Variants in TUBGCP3 observed in about 807,000 individuals in gnomAD.
TUBGCP3 encodes the protein gamma-tubulin complex component 3.
Under a neutral mutation model 123.1 loss-of-function variants are expected in TUBGCP3, and 50 were observed. The observed-to-expected ratio is 0.41, with a 90% CI of 0.32 to 0.51. The LOEUF (loss-of-function observed/expected upper bound fraction) is 0.51. Ranked by LOEUF, TUBGCP3 falls within the 20% of genes least tolerant of loss-of-function variation. The probability of loss-of-function intolerance (pLI) is 0.36; values close to 1 mark genes in which losing one functional copy is unlikely to be tolerated. For synonymous variants in TUBGCP3, 405 were observed against 413.9 expected (o/e 0.98, Z 0.26); for missense variants, 882 against 1,127.0 (o/e 0.78, Z 3.11).
chr13:112,550,248 T>G (rs9550142), intron 8 of TUBGCP3, among the ~76,000 whole-genome samples: 3 of 150,698 alleles, frequency 2.0e-5, no homozygotes, highest in Admixed American at 1.3e-4. Flanking sequence ...CATCAAAAAA[T>G]TTTTTTTAAT....
intron 11 of TUBGCP3, among the ~76,000 whole-genome samples, chr13:112,533,923 G>A (rs9550124): frequency 0.4 from 60,170 of 151,080 alleles, 15,388 homozygotes; most frequent in African/African-American, 0.73. Flanking sequence ...CCCGAGCAGT[G>A]TACACTGCAC....
At chr13:112,578,552 C>A (rs1882028011) in intron 1 of TUBGCP3, among the ~76,000 whole-genome samples, 1 of 97,062 alleles carries the variant, frequency 1.0e-5, no homozygotes, top group Non-Finnish European at 1.9e-5. Context: ...GAGTGAGACT[C>A]CGTCTCAAAA....
intron 11 of TUBGCP3, among the ~76,000 whole-genome samples, chr13:112,536,989 T>C (rs1246351122): frequency 4.6e-5 from 7 of 152,068 alleles, no homozygotes; most frequent in African/African-American, 1.4e-4. Context: ...TTGCCCAGAC[T>C]GGTCTCAAAC....
chr13:112,539,544 A>G (rs1320231604), intron 11 of TUBGCP3, among the ~76,000 whole-genome samples: 1 of 152,274 alleles, frequency 6.6e-6, no homozygotes, highest in Non-Finnish European at 1.5e-5. Context: ...TTAGTGAAGC[A>G]AACAAGAGTA....
intron 1 of TUBGCP3, among the ~76,000 whole-genome samples, chr13:112,585,048 C>T (rs1882513169): frequency 6.6e-6 from 1 of 152,172 alleles, no homozygotes; most frequent in African/African-American, 2.4e-5. Flanking sequence ...TTGAAGTCAA[C>T]TGTATAATTT....
chr13:112,487,292 C>T (rs959070696), intron 21 of TUBGCP3, among the ~76,000 whole-genome samples: 2 of 152,042 alleles, frequency 1.3e-5, no homozygotes, highest in African/African-American at 4.8e-5. Flanking sequence ...CAGTCAATGG[C>T]GATAACAGCC....
At chr13:112,598,678 C>A in the TUBGCP3 span, among the ~76,000 whole-genome samples, 4 of 152,162 alleles carry the variant, frequency 2.6e-5, no homozygotes, top group Admixed American at 6.5e-5. Context: ...GGTACGGTGG[C>A]TCATGCCTGT....
chr13:112,592,920 GGCA>G (rs1882907053), upstream of TUBGCP3, among the ~76,000 whole-genome samples: 1 of 152,216 alleles, frequency 6.6e-6, no homozygotes, highest in South Asian at 2.1e-4. The surrounding 1 kb of genome is among the most constrained non-coding windows in gnomAD (Gnocchi z 4.1). Flanking sequence ...CAACTTTCCA[GGCA>G]GCATGTTGCA....
At chr13:112,593,289 G>C in the TUBGCP3 span, among the ~76,000 whole-genome samples, 2 of 152,072 alleles carry the variant, frequency 1.3e-5, no homozygotes, top group Non-Finnish European at 2.9e-5. Flanking sequence ...GTAGTTGTAC[G>C]CACCTGTAAT....
chr13:112,548,266 G>A (rs1434243225), intron 8 of TUBGCP3, 90 bp from the exon 9 acceptor site: 6 of 934,222 alleles, frequency 6.4e-6, no homozygotes, highest in Admixed American at 4.7e-5. Context: ...TTTAGATAAA[G>A]TTCAGGTGGG....
chr13:112,578,141 C>T (rs574187799), intron 1 of TUBGCP3, among the ~76,000 whole-genome samples: 1 of 152,318 alleles, frequency 6.6e-6, no homozygotes, highest in African/African-American at 2.4e-5. Context: ...ACCATAATCT[C>T]AGCCCAGGGC....
At chr13:112,515,461 G>A (rs1004563432) in intron 17 of TUBGCP3, among the ~76,000 whole-genome samples, 2 of 152,150 alleles carry the variant, frequency 1.3e-5, no homozygotes, top group Admixed American at 6.5e-5. Flanking sequence ...AAGGGAATCC[G>A]CAACAGTGGC....
At position 112,494,723 on chromosome 13, in the gene TUBGCP3, C is replaced by A. The variant is rs1411749984; in HGVS notation, c.2448+4322G>T. ...GGTTCCCTTTTCTTCACATCCTCGC[C>A]AGCATTTGTTCTTGCCTGACTTTTG... On this transcript the variant is annotated intron_variant, in intron 20 of 21. Transcript: ENST00000261965. Among the ~76,000 whole-genome samples, 9 of 152,232 alleles carry A rather than the reference C, an allele frequency of 5.9e-5. No homozygotes were observed. In the East Asian group the frequency reaches 1.5e-3, roughly 26 times the overall value.
At chr13:112,542,606 A>G (rs1360510104) in intron 11 of TUBGCP3, among the ~76,000 whole-genome samples, 1 of 152,152 alleles carries the variant, frequency 6.6e-6, no homozygotes, top group Non-Finnish European at 1.5e-5. Context: ...TACCAAATAT[A>G]CCTCTATAGA....
At position 112,490,282 on chromosome 13, in the gene TUBGCP3, T is replaced by G. The variant is rs140335154; in HGVS notation, c.2449-585A>C. On this transcript the variant is annotated intron_variant, in intron 20 of 21. Transcript: ENST00000261965. Reference sequence around the variant, plus strand: ...TTGTTTGTTTGTTTGTTTTTTGAGATGGAGTTTCGCTCTCCCATGCTGGAG... The same window carrying G: ...TTGTTTGTTTGTTTGTTTTTTGAGAGGGAGTTTCGCTCTCCCATGCTGGAG... Among the ~76,000 whole-genome samples, 16 of 152,346 alleles carry G rather than the reference T, an allele frequency of 1.1e-4. No individual in the cohort carries two copies. In the East Asian group the frequency reaches 3.1e-3, roughly 29 times the overall value.
intron 11 of TUBGCP3, among the ~76,000 whole-genome samples, chr13:112,542,746 G>C (rs1194707673): frequency 1.3e-5 from 2 of 152,166 alleles, no homozygotes. Context: ...GTACACAATA[G>C]GGGTACTGAT....
chr13:112,600,231 T>C, the TUBGCP3 span, among the ~76,000 whole-genome samples: 5 of 152,188 alleles, frequency 3.3e-5, no homozygotes, highest in Admixed American at 3.3e-4. Context: ...TTAACATTCT[T>C]TTATATTCTA....
At chr13:112,543,263 A>G (rs1486282817) in intron 11 of TUBGCP3, among the ~76,000 whole-genome samples, 1 of 152,242 alleles carries the variant, frequency 6.6e-6, no homozygotes, top group Non-Finnish European at 1.5e-5. Context: ...TGATTTTAAC[A>G]TTTAGAAAGA....
At chr13:112,581,169 T>C (rs189611227) in intron 1 of TUBGCP3, among the ~76,000 whole-genome samples, 6 of 152,078 alleles carry the variant, frequency 3.9e-5, no homozygotes, top group African/African-American at 1.2e-4. Flanking sequence ...CTCTCTCTTC[T>C]CCACATCCTC....
Sources: gnomAD v4.1 joint callset for allele counts (sites outside exome capture counted in the v4.1 genomes callset) on GRCh38, gnomAD v4.1.1 for gene constraint, Gnocchi (gnomAD v3.1) non-coding constraint, MANE v1.5 for transcripts, NCBI Gene and HGNC (gene_info 2026-07-23, HGNC 2026-07-21) for gene names.